The following GCLC variants were observed in gnomAD, a reference collection of about 807,000 sequenced individuals.
GCLC encodes the protein glutamate-cysteine ligase catalytic subunit.
In GCLC, 30 loss-of-function variants were observed where a neutral mutation model predicts 81.5. That is an observed-to-expected ratio of 0.37 (90% CI 0.28 to 0.50). The LOEUF (loss-of-function observed/expected upper bound fraction) is 0.50, where lower values mean the gene tolerates loss of function less well. Ranked by LOEUF, GCLC falls within the 20% of genes least tolerant of loss-of-function variation. The pLI is 0.96. For synonymous variants in GCLC, 262 were observed against 273.3 expected (o/e 0.96, Z 0.41); for missense variants, 556 against 777.4 (o/e 0.72, Z 3.39).
chr6:53,523,618 C>T (rs1763034802), intron 1 of GCLC, among the ~76,000 whole-genome samples: 1 of 152,216 alleles, frequency 6.6e-6, no homozygotes, highest in Admixed American at 6.5e-5. Context: ...CAGCACGAAG[C>T]CTGTGACTGT....
chr6:53,530,605 G>A (rs546148755), intron 1 of GCLC, among the ~76,000 whole-genome samples: 3 of 152,090 alleles, frequency 2.0e-5, no homozygotes, highest in Non-Finnish European at 2.9e-5. Context: ...CACAGGGCTC[G>A]CTTGCCAGCA....
intron 1 of GCLC, among the ~76,000 whole-genome samples, chr6:53,540,667 C>CCACACACACACACACACA (rs35480206): frequency 7.0e-6 from 1 of 143,808 alleles, no homozygotes; most frequent in East Asian, 2.1e-4. Context: ...AAGTGTCTTG[C>CCACACACACACACACACA]CACACACACA....
chr6:53,508,467 CT>C, intron 8 of GCLC, 127 bp downstream of exon 8: 1 of 762,346 alleles, frequency 1.3e-6, no homozygotes, highest in South Asian at 1.4e-5. Flanking sequence ...AACTCCCCAC[CT>C]AGACCAAATC....
intron 1 of GCLC, among the ~76,000 whole-genome samples, chr6:53,523,725 C>G (rs1263818041): frequency 6.6e-6 from 1 of 152,076 alleles, no homozygotes; most frequent in Admixed American, 6.6e-5. Flanking sequence ...TTTGAGTCAG[C>G]CGTCCTCATC....
chr6:53,499,074 T>C (rs918878340), intron 15 of GCLC, 107 bp from the exon 16 acceptor site: 3 of 758,474 alleles, frequency 4.0e-6, no homozygotes, highest in African/African-American at 3.5e-5. Flanking sequence ...GAGAAATCAA[T>C]ATGTCCTTTT....
At chr6:53,523,953 T>C (rs543562562) in intron 1 of GCLC, 5 of 152,170 alleles carry the variant, frequency 3.3e-5, no homozygotes, top group Non-Finnish European at 7.4e-5. Flanking sequence ...AATCACTCAG[T>C]GTCAGCTGAC....
chr6:53,536,538 C>A (rs193204816), intron 1 of GCLC, among the ~76,000 whole-genome samples: 5 of 152,092 alleles, frequency 3.3e-5, no homozygotes, highest in Admixed American at 6.6e-5. Flanking sequence ...TTAGCAAGCT[C>A]GTTAGGATAT....
intron 1 of GCLC, among the ~76,000 whole-genome samples, chr6:53,539,531 T>C (rs1160554460): frequency 1.3e-5 from 2 of 152,222 alleles, no homozygotes; most frequent in Admixed American, 6.5e-5. Context: ...AACACTATCC[T>C]AGTAAGTAGA....
In GCLC at chr6:53,538,840, A is replaced by T. The variant is rs74296186; in HGVS notation, c.150+5656T>A. 0.016 allele frequency among the ~76,000 whole-genome samples: 2,466 copies of T among 152,342 alleles called. 112 individuals carry two copies. In the East Asian group the frequency reaches 0.19, roughly 12 times the overall value. On this transcript the variant is annotated intron_variant, in intron 1 of 15. Transcript: ENST00000650454. ...CACTGCACTGGGTTACAAACTTAGA[A>T]GTAAAAGTTTAGTTTTAAATGTTGT...
chr6:53,508,091 T>C (rs1252829922), intron 8 of GCLC, among the ~76,000 whole-genome samples: 1 of 152,154 alleles, frequency 6.6e-6, no homozygotes, highest in Non-Finnish European at 1.5e-5. Context: ...TCGGGTCCCA[T>C]CCTAGAGATT....
chr6:53,511,898 TTG>T (rs1764754169), intron 6 of GCLC, among the ~76,000 whole-genome samples: 1 of 6,250 alleles, frequency 1.6e-4, no homozygotes, highest in Non-Finnish European at 4.3e-4. Context: ...TCACATGACT[TTG>T]GGGGGGGGGG....
At chr6:53,541,335 C>T (rs1763350957) in intron 1 of GCLC, among the ~76,000 whole-genome samples, 1 of 152,124 alleles carries the variant, frequency 6.6e-6, no homozygotes, top group Admixed American at 6.6e-5. Context: ...ACTGAAGTGC[C>T]ATGGCAGGAG....
chr6:53,544,009 G>A (rs1353220703), intron 1 of GCLC, among the ~76,000 whole-genome samples: 2 of 152,164 alleles, frequency 1.3e-5, no homozygotes, highest in African/African-American at 4.8e-5. Flanking sequence ...AAGTTGGAGA[G>A]GTTTAAGGAA....
intron 1 of GCLC, among the ~76,000 whole-genome samples, chr6:53,541,579 C>T (rs377684982): frequency 3.9e-5 from 6 of 152,146 alleles, no homozygotes; most frequent in East Asian, 1.9e-4. Flanking sequence ...TGTTTACTCC[C>T]CACTCCAAAA....
chr6:53,542,967 C>T (rs1421861020), intron 1 of GCLC, among the ~76,000 whole-genome samples: 2 of 152,112 alleles, frequency 1.3e-5, no homozygotes, highest in Admixed American at 6.5e-5. Flanking sequence ...CGAGATCACA[C>T]CATTGCACTC....
At chr6:53,526,754 C>T (rs933021853) in intron 1 of GCLC, among the ~76,000 whole-genome samples, 2 of 144,472 alleles carry the variant, frequency 1.4e-5, no homozygotes, top group Admixed American at 7.1e-5. Flanking sequence ...GCCGAGATCG[C>T]GGCACTGCAC....
At chr6:53,512,716 A>C (rs1764777117) in intron 6 of GCLC, among the ~76,000 whole-genome samples, 1 of 152,202 alleles carries the variant, frequency 6.6e-6, no homozygotes, top group Admixed American at 6.5e-5. Context: ...ACAAGCAACA[A>C]AAATATTTAT....
intron 12 of GCLC, chr6:53,500,987 C>T (rs893107741): frequency 1.0e-4 from 24 of 233,920 alleles, no homozygotes; most frequent in African/African-American, 5.3e-4. Context: ...GCAATCTCAT[C>T]TCACCCCAAC....
Position 53,512,703 on chromosome 6 carries a change from T to C in GCLC, c.753+1501A>G, listed in dbSNP as rs1453872809. On this transcript the variant is annotated intron_variant, in intron 6 of 15. Transcript: ENST00000650454. ...GCTTACACTAGATGGAAAAATTCTATCTACAAGCAACAAAAATATTTATCA... is the reference window on the plus strand; with the variant it reads ...GCTTACACTAGATGGAAAAATTCTACCTACAAGCAACAAAAATATTTATCA... 2.0e-5 allele frequency among the ~76,000 whole-genome samples: 3 copies of C among 152,282 alleles called. No individual in the cohort carries two copies. In the East Asian group the frequency reaches 5.8e-4, roughly 29 times the overall value.
Sources: gnomAD v4.1 joint callset for allele counts (sites outside exome capture counted in the v4.1 genomes callset) on GRCh38, gnomAD v4.1.1 for gene constraint, MANE v1.5 for transcripts, NCBI Gene and HGNC (gene_info 2026-07-23, HGNC 2026-07-21) for gene names.